Variants in MAP3K2 observed in about 807,000 individuals in gnomAD.
The protein encoded by MAP3K2 is MAP/ERK kinase kinase 2.
Under a neutral mutation model 80.3 loss-of-function variants are expected in MAP3K2, and 24 were observed. That is an observed-to-expected ratio of 0.30 (90% confidence interval 0.22 to 0.42). The LOEUF (loss-of-function observed/expected upper bound fraction) is 0.42. MAP3K2 is among the 10% of genes least tolerant of loss of function. MAP3K2 has a pLI of 1.00. For synonymous variants in MAP3K2, 244 were observed against 253.7 expected (o/e 0.96, Z 0.36); for missense variants, 608 against 750.1 (o/e 0.81, Z 2.21).
intron 1 of MAP3K2, among the ~76,000 whole-genome samples, chr2:127,359,545 A>AT (rs1407751457): frequency 6.6e-5 from 10 of 152,258 alleles, no homozygotes; most frequent in Middle Eastern, 3.4e-3. Flanking sequence ...ATGTTCGACA[A>AT]TTTTTTACAA....
At chr2:127,308,468 C>T in intron 16 of MAP3K2, 117 bp downstream of exon 16, 2 of 896,166 alleles carry the variant, frequency 2.2e-6, no homozygotes, top group Non-Finnish European at 3.3e-6. Context: ...CTTCGCAATT[C>T]TTACGTCCTA....
intron 1 of MAP3K2, among the ~76,000 whole-genome samples, chr2:127,361,186 G>A (rs1358529703): frequency 6.6e-6 from 1 of 151,650 alleles, no homozygotes; most frequent in African/African-American, 2.4e-5. Flanking sequence ...GGTGGCAGGC[G>A]CCTGTAGTCC....
Position 127,298,685 on chromosome 2 carries a change from A to G in MAP3K2, c.*8894T>C, listed in dbSNP as rs1265087315. On this transcript the variant is annotated 3_prime_UTR_variant, in exon 17 of 17. Coordinates refer to ENST00000682094, the MANE Select transcript of MAP3K2 (RefSeq NM_001371910.2). ...AAAACCAATCACAGTGGAAATAAAT[A>G]TTAGCTTTATTAACACTCAAAGTGC... The G allele has an allele frequency of 6.6e-6, 1 of 152,260 alleles. No individual in the cohort carries two copies. The highest frequency in any genetic ancestry group is 1.9e-4 in the East Asian group (1 of 5,204). 9.4% of individuals were successfully genotyped at this position (152,260 alleles called of 1,614,324 possible).
intron 14 of MAP3K2, among the ~76,000 whole-genome samples, chr2:127,315,558 C>T (rs1173968308): frequency 3.9e-5 from 6 of 152,194 alleles, no homozygotes; most frequent in South Asian, 2.1e-4. Flanking sequence ...ATATGGAAAG[C>T]GGCAAGTGTG....
chr2:127,350,408 C>T (rs1383815905), intron 1 of MAP3K2, among the ~76,000 whole-genome samples: 1 of 143,728 alleles, frequency 7.0e-6, no homozygotes, highest in Non-Finnish European at 1.5e-5. Context: ...TTGTATCCCA[C>T]CAGGGCGACA....
At chr2:127,330,056 T>G in intron 6 of MAP3K2, 48 bp from the exon 7 acceptor site, 1 of 1,079,430 alleles carries the variant, frequency 9.3e-7, no homozygotes, top group Non-Finnish European at 1.4e-6. Context: ...CCTTGGGGCT[T>G]TAAACAGAAT....
chr2:127,386,974 G>A (rs1405333163), intron 1 of MAP3K2, among the ~76,000 whole-genome samples: 1 of 152,106 alleles, frequency 6.6e-6, no homozygotes, highest in Admixed American at 6.5e-5. Context: ...ACCTCATTGA[G>A]CTGGGAAGAT....
intron 1 of MAP3K2, among the ~76,000 whole-genome samples, chr2:127,363,954 C>A (rs1163993125): frequency 6.6e-6 from 1 of 152,178 alleles, no homozygotes; most frequent in Non-Finnish European, 1.5e-5. Context: ...CCAAGCCCAG[C>A]CAGGAAACAC....
chr2:127,307,492 T>G lies in MAP3K2; in HGVS notation c.*87A>C. ...TGTCTTTTTTCTCCCCCATCTCTCT[T>G]TTTTTATAAAAAAGAAAAGTGCAGT... On this transcript the variant is annotated 3_prime_UTR_variant, in exon 17 of 17. Transcript: ENST00000682094. The surrounding 1 kb of genome is among the most constrained non-coding windows in gnomAD (Gnocchi z 5.4). The G allele has an allele frequency of 1.3e-6, 1 of 750,604 alleles. No individual in the cohort carries two copies. Among genetic ancestry groups the G allele is most frequent in the Non-Finnish European group, 2.0e-6 (1 of 496,570 alleles). The allele number at this position is 750,604 out of a possible 1,614,324, so 46.5% of individuals were successfully genotyped here. A position where few individuals can be genotyped will look rare whatever the true frequency, so the allele number is the denominator to read the frequency against.
chr2:127,387,556 G>T lies in MAP3K2; in HGVS notation c.-170C>A. On this transcript the variant is annotated 5_prime_UTR_variant, in exon 1 of 17. Transcript: ENST00000682094. The stretch of plus-strand genomic sequence containing the variant: ...CGGCCTGTCACCGCGGCCCCAGGTC[G>T]GGGGCTGCCGCAGGGCCCCCGGGGA... 2.0e-6 allele frequency: 2 copies of T among 984,932 alleles called. No individual in the cohort carries two copies. The highest frequency in any genetic ancestry group is 4.7e-5 in the South Asian group (1 of 21,288). 61.0% of individuals were successfully genotyped at this position (984,932 alleles called of 1,614,324 possible).
intron 1 of MAP3K2, among the ~76,000 whole-genome samples, chr2:127,381,903 T>C (rs1687251429): frequency 6.9e-6 from 1 of 145,266 alleles, no homozygotes; most frequent in African/African-American, 2.6e-5. Context: ...AGGAACAAGC[T>C]AAACAATGCT....
chr2:127,333,351 C>T (rs1018057062), intron 5 of MAP3K2, among the ~76,000 whole-genome samples: 2 of 151,860 alleles, frequency 1.3e-5, no homozygotes, highest in Non-Finnish European at 2.9e-5. Context: ...ACAACCTCAG[C>T]TTATATTTCC....
chr2:127,382,394 A>T (rs1378414937), intron 1 of MAP3K2, among the ~76,000 whole-genome samples: 3 of 152,158 alleles, frequency 2.0e-5, no homozygotes, highest in East Asian at 1.9e-4. Context: ...AGTGTTTTTT[A>T]AAAAAAGATA....
chr2:127,328,663 T>C (rs983156441), intron 7 of MAP3K2, among the ~76,000 whole-genome samples: 18 of 152,214 alleles, frequency 1.2e-4, no homozygotes, highest in African/African-American at 4.3e-4. Flanking sequence ...ATTTCTGCAT[T>C]CCTGAAACCC....
At chr2:127,309,006 G>C (rs759020332) in intron 15 of MAP3K2, among the ~76,000 whole-genome samples, 6 of 152,194 alleles carry the variant, frequency 3.9e-5, no homozygotes, top group Non-Finnish European at 5.9e-5. Flanking sequence ...CGTTTCTATT[G>C]AAAAGGACTG....
chr2:127,369,138 G>A (rs1260015426), intron 1 of MAP3K2, among the ~76,000 whole-genome samples: 4 of 150,516 alleles, frequency 2.7e-5, no homozygotes, highest in Non-Finnish European at 5.9e-5. Flanking sequence ...TTTTAGTAAA[G>A]ACAGGGTTTC....
intron 1 of MAP3K2, among the ~76,000 whole-genome samples, chr2:127,351,207 T>C (rs781336734): frequency 6.6e-6 from 1 of 152,128 alleles, no homozygotes; most frequent in Non-Finnish European, 1.5e-5. Flanking sequence ...AAAACTTGAA[T>C]GGGTTCTGTG....
chr2:127,367,380 C>T (rs1052498039), intron 1 of MAP3K2, among the ~76,000 whole-genome samples: 6 of 152,100 alleles, frequency 3.9e-5, no homozygotes, highest in Non-Finnish European at 1.5e-5. Flanking sequence ...TTTAAAATGC[C>T]TAATCAGAAT....
At chr2:127,361,960 G>A (rs1686900629) in intron 1 of MAP3K2, among the ~76,000 whole-genome samples, 1 of 152,170 alleles carries the variant, frequency 6.6e-6, no homozygotes, top group Non-Finnish European at 1.5e-5. Flanking sequence ...ACAAACACCT[G>A]ACACCTTATC....
Sources: allele counts gnomAD v4.1 joint callset (sites outside exome capture counted in the v4.1 genomes callset), GRCh38; gene constraint gnomAD v4.1.1; non-coding constraint Gnocchi (gnomAD v3.1); transcripts MANE v1.5; gene names NCBI Gene and HGNC (gene_info 2026-07-23, HGNC 2026-07-21).